Variants in CCNB3 observed in about 807,000 individuals in gnomAD.
CCNB3 encodes G2/mitotic-specific cyclin-B3.
CCNB3 carries 12 observed loss-of-function variants against 68.0 expected under a neutral mutation model. The observed-to-expected ratio is 0.18, with a 90% CI of 0.11 to 0.29. The LOEUF (loss-of-function observed/expected upper bound fraction) is 0.29, where lower values mean the gene tolerates loss of function less well. Among genes scored for constraint, CCNB3 ranks in the 10% least tolerant of loss-of-function variants. The pLI is 1.00. For missense variants in CCNB3, 904 were observed against 993.1 expected, an observed-to-expected ratio of 0.91 and a Z score of 1.21; for synonymous variants, 354 against 388.9, an observed-to-expected ratio of 0.91 and a Z score of 1.06.
chrX:50,295,052 T>G (rs1936426834), intron 5 of CCNB3, 59 bp downstream of exon 5: 3 of 1,091,691 alleles, frequency 2.7e-6, no homozygotes, highest in Non-Finnish European at 3.7e-6. Context: ...TGACATCCTT[T>G]TGTCCCCATT....
At chrX:50,279,392 G>T (rs1335178557) in intron 1 of CCNB3, among the ~76,000 whole-genome samples, 32 of 71,859 alleles carry the variant, frequency 4.5e-4, no homozygotes, top group African/African-American at 1.7e-3. Context: ...GAAATATTTT[G>T]TATATTCATA....
In CCNB3 at chrX:50,225,695, G is replaced by C. The variant is rs1033127299; in HGVS notation, c.-113+20745G>C. Among the ~76,000 whole-genome samples the C allele has an allele frequency of 2.0e-4, 22 of 109,375 alleles. 1 individual carries two copies. Among genetic ancestry groups the C allele is most frequent in the African/African-American group, 7.0e-4 (21 of 30,201 alleles). 95.0% of individuals were successfully genotyped at this position (109,375 alleles called of 115,157 possible). A position where few individuals can be genotyped will look rare whatever the true frequency, so the allele number is the denominator to read the frequency against. ...ATGGAAAAAAGTTAGAATCATAGAC[G>C]ATACCCAGCTTTCTGGCTTCAATAA... On this transcript the variant is annotated intron_variant, in intron 1 of 12. Coordinates refer to ENST00000376042, the MANE Select transcript of CCNB3 (RefSeq NM_033031.3).
chrX:50,217,648 T>G (rs1036037469), intron 1 of CCNB3, among the ~76,000 whole-genome samples: 15 of 111,584 alleles, frequency 1.3e-4, no homozygotes, highest in African/African-American at 4.2e-4. Context: ...TTTTAGTTTT[T>G]GGAAAATATT....
At chrX:50,280,229 ATATG>A (rs1277641099) in intron 1 of CCNB3, among the ~76,000 whole-genome samples, 2,954 of 94,076 alleles carry the variant, frequency 0.031, 146 homozygotes, top group African/African-American at 0.11. Context: ...ATATATAAAT[ATATG>A]TATAGAATAT....
intron 5 of CCNB3, among the ~76,000 whole-genome samples, chrX:50,305,937 C>A (rs1311601362): frequency 2.9e-5 from 3 of 101,937 alleles, no homozygotes; most frequent in Non-Finnish European, 5.9e-5. Flanking sequence ...GGCCACCACA[C>A]CAGCTTTTTT....
intron 1 of CCNB3, among the ~76,000 whole-genome samples, chrX:50,279,826 T>G (rs1250086218): frequency 4.5e-5 from 4 of 88,272 alleles, no homozygotes; most frequent in Non-Finnish European, 8.3e-5. Flanking sequence ...GGTATTTATA[T>G]AAATACATAT....
At chrX:50,282,226 CAG>C (rs1051809604) in intron 1 of CCNB3, among the ~76,000 whole-genome samples, 7 of 110,997 alleles carry the variant, frequency 6.3e-5, no homozygotes, top group African/African-American at 2.3e-4. Flanking sequence ...AACTGGGTCC[CAG>C]AGAGGGAAAG....
chrX:50,317,548 T>TATGTATGC (rs1317429147), intron 8 of CCNB3, among the ~76,000 whole-genome samples: 2 of 104,555 alleles, frequency 1.9e-5, no homozygotes, highest in African/African-American at 7.4e-5. Flanking sequence ...TAAATTTATG[T>TATGTATGC]ATGTATGTAT....
chrX:50,223,536 T>G (rs1935706200), intron 1 of CCNB3, among the ~76,000 whole-genome samples: 1 of 111,548 alleles, frequency 9.0e-6, no homozygotes, highest in African/African-American at 3.3e-5. Flanking sequence ...GCTGCAGGTC[T>G]GCTGGAGTTT....
At chrX:50,208,207 G>A (rs782436705) in intron 1 of CCNB3, among the ~76,000 whole-genome samples, 24 of 111,953 alleles carry the variant, frequency 2.1e-4, no homozygotes, top group Non-Finnish European at 5.6e-5. Context: ...AGGAAATCTG[G>A]TGTTCACCAT....
intron 11 of CCNB3, among the ~76,000 whole-genome samples, chrX:50,349,663 G>A (rs782210670): frequency 8.8e-4 from 99 of 111,937 alleles, no homozygotes; most frequent in African/African-American, 3.1e-3. Context: ...TACTCAGCAC[G>A]CCAATGACGG....
At chrX:50,335,916 C>T (rs1157081065) in intron 8 of CCNB3, among the ~76,000 whole-genome samples, 1 of 111,519 alleles carries the variant, frequency 9.0e-6, no homozygotes, top group Non-Finnish European at 1.9e-5. Flanking sequence ...CATGTCCCCC[C>T]ACTGAGAAGG....
At chrX:50,227,796 T>G (rs1312224572) in intron 1 of CCNB3, among the ~76,000 whole-genome samples, 7 of 58,657 alleles carry the variant, frequency 1.2e-4, no homozygotes, top group South Asian at 8.0e-4. Flanking sequence ...TAAATATATA[T>G]AGAGAATAAA....
At chrX:50,319,809 T>C (rs1481375704) in intron 8 of CCNB3, among the ~76,000 whole-genome samples, 4 of 111,963 alleles carry the variant, frequency 3.6e-5, no homozygotes, top group African/African-American at 1.3e-4. Flanking sequence ...CTGCGTAATA[T>C]ATTTTTTTAT....
At chrX:50,206,512 G>A (rs185851403) in intron 1 of CCNB3, among the ~76,000 whole-genome samples, 1 of 109,697 alleles carries the variant, frequency 9.1e-6, no homozygotes, top group Admixed American at 9.7e-5. Flanking sequence ...TTGAGCCTGG[G>A]AGTGGGAGGT....
chrX:50,279,229 A>T (rs1259437233), intron 1 of CCNB3, among the ~76,000 whole-genome samples: 9 of 61,152 alleles, frequency 1.5e-4, no homozygotes, highest in East Asian at 5.3e-4. Flanking sequence ...TTCATATATA[A>T]ATATATATGA....
chrX:50,227,898 A>G (rs1471654342), intron 1 of CCNB3, among the ~76,000 whole-genome samples: 10 of 85,874 alleles, frequency 1.2e-4, no homozygotes, highest in African/African-American at 3.1e-4. Context: ...ATATATAAAT[A>G]TATAGAGAGA....
At chrX:50,226,404 T>A (rs1416977665) in intron 1 of CCNB3, among the ~76,000 whole-genome samples, 1 of 55,890 alleles carries the variant, frequency 1.8e-5, no homozygotes, top group East Asian at 5.3e-4. Context: ...TATATAAAAA[T>A]ATATATAGAA....
intron 8 of CCNB3, among the ~76,000 whole-genome samples, 180 bp downstream of exon 8, chrX:50,314,128 C>T (rs782751297): frequency 2.7e-5 from 3 of 112,394 alleles, no homozygotes; most frequent in Non-Finnish European, 3.8e-5. Context: ...AAGTGTAATA[C>T]AAAGTAGAAT....
Sources: gnomAD v4.1 joint callset for allele counts (sites outside exome capture counted in the v4.1 genomes callset) on GRCh38, gnomAD v4.1.1 for gene constraint, MANE v1.5 for transcripts, NCBI Gene and HGNC (gene_info 2026-07-23, HGNC 2026-07-21) for gene names.